The following CCM2 variants were observed in gnomAD, a reference collection of about 807,000 sequenced individuals.
CCM2 encodes the protein cerebral cavernous malformations 2 protein.
In CCM2, 25 loss-of-function variants were observed where a neutral mutation model predicts 44.9. The ratio of observed to expected loss-of-function variants is 0.56; its 90% CI spans 0.41 to 0.78. The LOEUF (loss-of-function observed/expected upper bound fraction) is 0.78. Ranked by LOEUF, CCM2 falls within the 30% of genes least tolerant of loss-of-function variation. The pLI, the probability that CCM2 is intolerant of heterozygous loss-of-function variation, is 0.00. For missense variants in CCM2, 481 were observed against 580.6 expected, an observed-to-expected ratio of 0.83 and a Z score of 1.76; for synonymous variants, 219 against 241.1, an observed-to-expected ratio of 0.91 and a Z score of 0.85.
chr7:45,027,739 A>C, intron 1 of CCM2: 1 of 1,614,192 alleles, frequency 6.2e-7, no homozygotes, highest in Non-Finnish European at 8.5e-7. Flanking sequence ...AGGAACCAGA[A>C]TCTCTCCAAA....
intron 2 of CCM2, among the ~76,000 whole-genome samples, chr7:45,060,258 A>T (rs1798459693): frequency 6.6e-6 from 1 of 152,190 alleles, no homozygotes; most frequent in Admixed American, 6.5e-5. Context: ...TCTTGCTTGG[A>T]TGGTTCCTGA....
chr7:45,017,155 G>A (rs748393939), intron 1 of CCM2, among the ~76,000 whole-genome samples: 3 of 152,194 alleles, frequency 2.0e-5, no homozygotes, highest in Non-Finnish European at 2.9e-5. Context: ...TGGGGATTTG[G>A]TGTATAGATT....
chr7:45,064,794 C>A, intron 4 of CCM2, 148 bp downstream of exon 4: 1 of 839,648 alleles, frequency 1.2e-6, no homozygotes, highest in Non-Finnish European at 1.9e-6. Context: ...CTGAGATCAG[C>A]CAGAAGAGGG....
At chr7:45,005,786 C>T (rs1795825431) in intron 1 of CCM2, among the ~76,000 whole-genome samples, 1 of 152,132 alleles carries the variant, frequency 6.6e-6, no homozygotes, top group Non-Finnish European at 1.5e-5. Flanking sequence ...CCTAGGATGT[C>T]AGAAGAGACA....
At position 45,076,409 on chromosome 7, in the gene CCM2, C is replaced by T. The variant is rs1462654053; in HGVS notation, c.*352C>T. 10 of 431,600 alleles carry T rather than the reference C, an allele frequency of 2.3e-5. No individual in the cohort carries two copies. Among genetic ancestry groups the T allele is most frequent in the South Asian group, 1.9e-4 (10 of 52,228 alleles). The allele number at this position is 431,600 out of a possible 1,614,324, so 26.7% of individuals were successfully genotyped here. ...TGCACATGATGTTCCTATTGTAACT[C>T]TCAGAGACCTTAAAAAGAAGTTTAC... On this transcript the variant is annotated 3_prime_UTR_variant, in exon 10 of 10. Transcript: ENST00000258781.
chr7:45,000,454 C>CAG (rs1554353521), intron 1 of CCM2, 91 bp downstream of exon 1: 2 of 79,282 alleles, frequency 2.5e-5, no homozygotes, highest in African/African-American at 1.8e-4. Flanking sequence ...CCTTGGGGCC[C>CAG]GGGGGGGGGG....
chr7:45,050,143 G>C (rs1293380461), intron 2 of CCM2, among the ~76,000 whole-genome samples: 1 of 152,222 alleles, frequency 6.6e-6, no homozygotes, highest in East Asian at 1.9e-4. Flanking sequence ...AATGTATTTA[G>C]AGTCACAAAT....
intron 2 of CCM2, among the ~76,000 whole-genome samples, chr7:45,061,379 A>G (rs1178713894): frequency 6.6e-6 from 1 of 152,066 alleles, no homozygotes; most frequent in Non-Finnish European, 1.5e-5. Flanking sequence ...AGGCTCTGGT[A>G]AAATAGTTTT....
At chr7:45,030,631 T>A (rs1439673682) in intron 1 of CCM2, among the ~76,000 whole-genome samples, 1 of 152,194 alleles carries the variant, frequency 6.6e-6, no homozygotes, top group South Asian at 2.1e-4. Flanking sequence ...TCCAGGCTGG[T>A]CTTGAACTCC....
At chr7:45,070,325 T>C (rs1799003039) in intron 6 of CCM2, 1 of 386,150 alleles carries the variant, frequency 2.6e-6, no homozygotes, top group Admixed American at 3.2e-5. Flanking sequence ...TGAGAGTGGG[T>C]CTGGGGAGCC....
intron 1 of CCM2, among the ~76,000 whole-genome samples, chr7:45,012,250 C>T (rs961568958): frequency 2.0e-5 from 3 of 150,764 alleles, no homozygotes; most frequent in Non-Finnish European, 4.4e-5. Context: ...TCTCCTGTCT[C>T]AGCCTTCTGA....
intron 2 of CCM2, among the ~76,000 whole-genome samples, chr7:45,047,454 T>A (rs561933713): frequency 6.6e-6 from 1 of 152,308 alleles, no homozygotes; most frequent in Non-Finnish European, 1.5e-5. Context: ...GGAGGATTGC[T>A]TGAGCCCAGG....
chr7:45,022,941 A>G (rs1796538483), intron 1 of CCM2, among the ~76,000 whole-genome samples: 1 of 151,510 alleles, frequency 6.6e-6, no homozygotes, highest in South Asian at 2.1e-4. Flanking sequence ...GGGTTTCACC[A>G]TGTTGACCAG....
chr7:45,047,168 A>C (rs1182622327), intron 2 of CCM2, among the ~76,000 whole-genome samples: 1 of 152,236 alleles, frequency 6.6e-6, no homozygotes, highest in Non-Finnish European at 1.5e-5. Context: ...AGTTTCTTCA[A>C]ATCTCCACGT....
chr7:45,051,147 A>C (rs564423173), intron 2 of CCM2, among the ~76,000 whole-genome samples: 1 of 152,030 alleles, frequency 6.6e-6, no homozygotes, highest in South Asian at 2.1e-4. Flanking sequence ...TTCTATCCAG[A>C]CTCAGCTTCT....
Position 45,073,559 on chromosome 7 carries a change from C to T in CCM2, c.903C>T (p.Asp301=). Residue 301 remains aspartate (D), a synonymous_variant, in exon 8 of 10, where the codon GAC becomes GAT. Transcript: ENST00000258781. ...LSASATELLQ[D]YMLTLRTKLS... ...CCAGCGCCACTGAGCTGCTGCAGGA[C>T]TACATGCTGACGGTAGGCCTCCGCT... 1 of 1,610,286 alleles carries T rather than the reference C, an allele frequency of 6.2e-7. No homozygotes were observed. The highest frequency in any genetic ancestry group is 8.5e-7 in the Non-Finnish European group (1 of 1,178,400).
intron 2 of CCM2, among the ~76,000 whole-genome samples, chr7:45,051,585 C>T (rs28742146): frequency 0.13 from 19,567 of 147,012 alleles, 1,484 homozygotes; most frequent in Middle Eastern, 0.22. Flanking sequence ...TATTGTGAGA[C>T]GGAGTCTTGC....
At chr7:45,020,739 TGA>T (rs2128718589) in intron 1 of CCM2, among the ~76,000 whole-genome samples, 1 of 152,356 alleles carries the variant, frequency 6.6e-6, no homozygotes, top group African/African-American at 2.4e-5. Flanking sequence ...CTAAAAATTT[TGA>T]GTATTTTCCA....
intron 2 of CCM2, among the ~76,000 whole-genome samples, chr7:45,053,678 C>A (rs1798115092): frequency 6.6e-6 from 1 of 152,198 alleles, no homozygotes; most frequent in Admixed American, 6.5e-5. Flanking sequence ...CAGTTCTGTA[C>A]ACGCACACCT....
Sources: gnomAD v4.1 joint callset for allele counts (sites outside exome capture counted in the v4.1 genomes callset) on GRCh38, gnomAD v4.1.1 for gene constraint, MANE v1.5 for transcripts, NCBI Gene and HGNC (gene_info 2026-07-23, HGNC 2026-07-21) for gene names.